LYPLAL1: variants seen among roughly 807,000 people sequenced by gnomAD.
The protein encoded by LYPLAL1 is lysophospholipase like 1, also known as lysophospholipase-like protein 1.
Under a neutral mutation model 19.7 loss-of-function variants are expected in LYPLAL1, and 23 were observed. That is an observed-to-expected ratio of 1.17 (90% CI 0.84 to 1.65). The LOEUF is 1.65. LYPLAL1 is among the 40% of genes most tolerant of loss of function. LYPLAL1 has a pLI of 0.00. For synonymous variants in LYPLAL1, 119 were observed against 96.3 expected (o/e 1.24, Z -1.38); for missense variants, 355 against 279.4 (o/e 1.27, Z -1.93).
At chr1:219,281,507 G>A in the LYPLAL1 span, among the ~76,000 whole-genome samples, 2 of 152,116 alleles carry the variant, frequency 1.3e-5, no homozygotes, top group Admixed American at 6.6e-5. Flanking sequence ...GGAGGACTTG[G>A]TTTCAGAAGA....
At chr1:219,416,554 G>A in the LYPLAL1 span, among the ~76,000 whole-genome samples, 1 of 152,096 alleles carries the variant, frequency 6.6e-6, no homozygotes, top group Non-Finnish European at 1.5e-5. Context: ...AGCAACATAT[G>A]GGCTTTTTGC....
At chr1:219,397,681 G>C in the LYPLAL1 span, among the ~76,000 whole-genome samples, 1 of 152,164 alleles carries the variant, frequency 6.6e-6, no homozygotes, top group Non-Finnish European at 1.5e-5. Flanking sequence ...TGTTTTTATA[G>C]TGGCTGGTAA....
the LYPLAL1 span, among the ~76,000 whole-genome samples, chr1:219,244,982 T>G: frequency 6.6e-6 from 1 of 151,292 alleles, no homozygotes; most frequent in Non-Finnish European, 1.5e-5. Flanking sequence ...CCTTCTTTCC[T>G]TTTTTCCTTG....
chr1:219,332,938 A>T, the LYPLAL1 span, among the ~76,000 whole-genome samples: 1 of 150,942 alleles, frequency 6.6e-6, no homozygotes, highest in African/African-American at 2.4e-5. Context: ...TTGTGAGTAT[A>T]GAAACTAGGT....
At chr1:219,431,399 CAA>C in the LYPLAL1 span, among the ~76,000 whole-genome samples, 2 of 152,178 alleles carry the variant, frequency 1.3e-5, no homozygotes, top group Non-Finnish European at 2.9e-5. Flanking sequence ...TACTTGAAAA[CAA>C]AAGTGGCTGT....
the LYPLAL1 span, among the ~76,000 whole-genome samples, chr1:219,238,957 A>C: frequency 8.5e-5 from 13 of 152,354 alleles, no homozygotes; most frequent in South Asian, 2.7e-3. Flanking sequence ...TATCTTGAGT[A>C]TAGAATGACT....
intron 2 of LYPLAL1, among the ~76,000 whole-genome samples, chr1:219,185,300 T>TA (rs1248328086): frequency 3.3e-5 from 5 of 151,852 alleles, no homozygotes; most frequent in African/African-American, 1.2e-4. Context: ...TGGTTCATCT[T>TA]ACCAAGAAGT....
the LYPLAL1 span, among the ~76,000 whole-genome samples, chr1:219,351,626 A>G: frequency 1.3e-5 from 2 of 152,274 alleles, no homozygotes; most frequent in Admixed American, 1.3e-4. Flanking sequence ...GGAAATAAAA[A>G]CACATCAAGA....
chr1:219,406,372 G>T, the LYPLAL1 span, among the ~76,000 whole-genome samples: 7 of 152,152 alleles, frequency 4.6e-5, no homozygotes, highest in Non-Finnish European at 4.4e-5. Context: ...TATCTCTGTG[G>T]TTCAGGTGTG....
chr1:219,318,498 G>A, the LYPLAL1 span, among the ~76,000 whole-genome samples: 1 of 151,458 alleles, frequency 6.6e-6, no homozygotes, highest in Non-Finnish European at 1.5e-5. Context: ...TATAAAACAA[G>A]GATTACATGT....
chr1:219,255,204 TA>T, the LYPLAL1 span, among the ~76,000 whole-genome samples: 3 of 151,774 alleles, frequency 2.0e-5, no homozygotes, highest in African/African-American at 7.2e-5. Context: ...GACATTATTA[TA>T]ATAACTTTTA....
chr1:219,211,536 T>C lies in LYPLAL1; in HGVS notation c.522T>C (p.Cys174=). The change falls in exon 5 of 5, where the codon TGT becomes TGC. Residue 174 remains cysteine (C), a synonymous_variant. Coordinates refer to ENST00000366928, the MANE Select transcript of LYPLAL1 (RefSeq NM_138794.5). ...GTGTACTTCCTGAATTATTTCAGTG[T>C]CATGGTACTGCAGATGAGTTAGTTC... The part of the protein sequence containing the change: ...SNGVLPELFQ[C]HGTADELVLH... The C allele has an allele frequency of 6.2e-7, 1 of 1,613,176 alleles. No homozygotes were observed. Among genetic ancestry groups the C allele is most frequent in the South Asian group, 1.1e-5 (1 of 91,048 alleles).
chr1:219,244,644 T>A, the LYPLAL1 span, among the ~76,000 whole-genome samples: 2 of 152,012 alleles, frequency 1.3e-5, no homozygotes, highest in South Asian at 4.1e-4. Flanking sequence ...CCACAATATA[T>A]GTTATAAAAG....
chr1:219,227,437 A>G, the LYPLAL1 span, among the ~76,000 whole-genome samples: 2 of 152,204 alleles, frequency 1.3e-5, no homozygotes, highest in African/African-American at 4.8e-5. Context: ...ACTTATAAGT[A>G]TTAACACTTG....
chr1:219,404,726 A>G, the LYPLAL1 span, among the ~76,000 whole-genome samples: 1 of 152,252 alleles, frequency 6.6e-6, no homozygotes, highest in Non-Finnish European at 1.5e-5. Context: ...GGGTGGCTAC[A>G]CTTAACAATA....
the LYPLAL1 span, among the ~76,000 whole-genome samples, chr1:219,258,622 A>T: frequency 6.6e-6 from 1 of 152,014 alleles, no homozygotes; most frequent in Non-Finnish European, 1.5e-5. Flanking sequence ...GTCCATTTAC[A>T]TTATGTCATT....
the LYPLAL1 span, among the ~76,000 whole-genome samples, chr1:219,336,126 A>G: frequency 6.6e-6 from 1 of 151,502 alleles, no homozygotes; most frequent in African/African-American, 2.4e-5. Context: ...TGTTACATCA[A>G]CAAAGTGTAT....
At chr1:219,322,970 G>A in the LYPLAL1 span, among the ~76,000 whole-genome samples, 1 of 152,178 alleles carries the variant, frequency 6.6e-6, no homozygotes, top group Non-Finnish European at 1.5e-5. Context: ...TGGGAAATTG[G>A]CTTCCTGGTG....
the LYPLAL1 span, among the ~76,000 whole-genome samples, chr1:219,282,057 C>G: frequency 6.6e-6 from 1 of 152,082 alleles, no homozygotes; most frequent in African/African-American, 2.4e-5. Context: ...AAACAAACAA[C>G]TAGACACAGA....
Sources: allele counts gnomAD v4.1 joint callset (sites outside exome capture counted in the v4.1 genomes callset), GRCh38; gene constraint gnomAD v4.1.1; transcripts MANE v1.5; gene names NCBI Gene and HGNC (gene_info 2026-07-23, HGNC 2026-07-21).